PLA2G4E: variants seen among roughly 807,000 people sequenced by gnomAD.
PLA2G4E encodes the protein phospholipase A2 group IVE.
PLA2G4E carries 84 observed loss-of-function variants against 109.1 expected under a neutral mutation model. The observed-to-expected ratio is 0.77, with a 90% CI of 0.65 to 0.92. PLA2G4E has a LOEUF of 0.92. PLA2G4E is among the 40% of genes least tolerant of loss of function. The pLI is 0.00. For synonymous variants in PLA2G4E, 469 were observed against 436.1 expected (o/e 1.08, Z -0.94); for missense variants, 1,057 against 1,076.6 (o/e 0.98, Z 0.25).
intron 17 of PLA2G4E, chr15:41,986,886 T>G (rs1259324784): frequency 4.5e-6 from 2 of 446,688 alleles, no homozygotes; most frequent in Middle Eastern, 6.2e-4. Context: ...TTTCCCCATC[T>G]GTAACATGGG....
At chr15:41,995,298 C>G in intron 12 of PLA2G4E, 62 bp downstream of exon 12, 1 of 1,582,414 alleles carries the variant, frequency 6.3e-7, no homozygotes, top group East Asian at 2.3e-5. Context: ...CACCTGAGAC[C>G]CCAGGCCAGC....
intron 1 of PLA2G4E, among the ~76,000 whole-genome samples, chr15:42,037,750 C>T (rs1014808064): frequency 1.3e-5 from 2 of 152,218 alleles, no homozygotes; most frequent in Non-Finnish European, 2.9e-5. Context: ...CTTCGGGGCC[C>T]TGTGGTTCCC....
chr15:41,992,623 C>G (rs897011887), intron 13 of PLA2G4E, 114 bp downstream of exon 13: 9 of 1,005,008 alleles, frequency 9.0e-6, no homozygotes, highest in Admixed American at 5.4e-5. Flanking sequence ...AGGATACTCC[C>G]GCAGGTCTAA....
rs7176458 is a variant in PLA2G4E at position 42,016,352 on chromosome 15, T to G, written c.184-2595A>C. ...TCCTGGGGCTTAATTCTTTTTTCTT[T>G]GGAGACGGAGCCTCACTCTGTCATA... On this transcript the variant is annotated intron_variant, in intron 1 of 19. Coordinates refer to ENST00000399518, the Ensembl canonical transcript of PLA2G4E. Among the ~76,000 whole-genome samples, 26 of 151,602 alleles carry G rather than the reference T, an allele frequency of 1.7e-4. No homozygotes were observed. The East Asian group carries it at 4.5e-3, about 26-fold the overall frequency.
chr15:42,018,938 A>G (rs977574102), intron 1 of PLA2G4E, among the ~76,000 whole-genome samples: 1 of 151,570 alleles, frequency 6.6e-6, no homozygotes, highest in African/African-American at 2.4e-5. Context: ...AAAATGTATG[A>G]CTCTGCTCTG....
At chr15:42,010,134 C>CCCT (rs1555386997) in intron 2 of PLA2G4E, 1 of 464,264 alleles carries the variant, frequency 2.2e-6, no homozygotes, top group Non-Finnish European at 4.3e-6. Context: ...GAACACTGGC[C>CCCT]CCCCCACCCC....
At chr15:42,003,906 C>T (rs1344883716) in intron 5 of PLA2G4E, among the ~76,000 whole-genome samples, 3 of 150,940 alleles carry the variant, frequency 2.0e-5, no homozygotes, top group South Asian at 2.1e-4. Flanking sequence ...CCTTGCTTTC[C>T]TTCCTTCCTT....
At chr15:41,989,428 G>C (rs1319492893) in exon 15 of PLA2G4E, 1 of 1,614,026 alleles carries the variant, frequency 6.2e-7, no homozygotes, top group Admixed American at 1.7e-5. Flanking sequence ...GCATGTAGCA[G>C]ATTCGAGACT....
Position 42,006,025 on chromosome 15 carries a change from T to G in PLA2G4E, c.490A>C (p.Lys164Gln). 6.2e-7 allele frequency: 1 copy of G among 1,613,956 alleles called. No homozygotes were observed. The highest frequency in any genetic ancestry group is 8.5e-7 in the Non-Finnish European group (1 of 1,179,846). ...AGTGGAAACTTCACGTGGGTTTTCT[T>G]TCGGAAACAGAGCTTGGTGAGGTCA... Residue 164 changes from lysine to glutamine, a missense_variant, in exon 4 of 20, where the codon AAG becomes CAG. By Grantham distance (53) the Lys-to-Gln change is moderately conservative. Coordinates refer to ENST00000399518, the Ensembl canonical transcript of PLA2G4E.
intron 10 of PLA2G4E, 151 bp from the exon 11 acceptor site, chr15:41,997,410 T>G (rs953531990): frequency 2.4e-6 from 2 of 849,272 alleles, no homozygotes; most frequent in Non-Finnish European, 1.7e-6. Flanking sequence ...ATCTGTAAAG[T>G]GGGGCGAATC....
At chr15:42,023,831 G>T (rs1224059604) in intron 1 of PLA2G4E, among the ~76,000 whole-genome samples, 1 of 152,184 alleles carries the variant, frequency 6.6e-6, no homozygotes, top group East Asian at 1.9e-4. Flanking sequence ...TCAGAGCAGG[G>T]TCTCAACTCA....
chr15:42,033,656 G>C (rs1289441031), intron 1 of PLA2G4E, among the ~76,000 whole-genome samples: 1 of 152,176 alleles, frequency 6.6e-6, no homozygotes, highest in East Asian at 1.9e-4. Context: ...CAGCACCTGG[G>C]TGAGGCTGAA....
intron 12 of PLA2G4E, 94 bp from the exon 13 acceptor site, chr15:41,993,053 G>A: frequency 8.6e-7 from 1 of 1,160,374 alleles, no homozygotes; most frequent in Non-Finnish European, 1.2e-6. Context: ...AGGCCATTGA[G>A]AACCCTAACC....
At chr15:42,028,885 G>A (rs927201823) in intron 1 of PLA2G4E, among the ~76,000 whole-genome samples, 2 of 152,040 alleles carry the variant, frequency 1.3e-5, no homozygotes, top group Admixed American at 6.6e-5. Context: ...TTAATATGTT[G>A]AGATGTCCCA....
intron 9 of PLA2G4E, 34 bp from the exon 10 acceptor site, chr15:41,999,595 T>C: frequency 6.2e-7 from 1 of 1,607,044 alleles, no homozygotes; most frequent in Non-Finnish European, 8.5e-7. Context: ...TTGTCAGAGG[T>C]GACAATTCAG....
At chr15:42,026,344 T>G (rs994678460) in intron 1 of PLA2G4E, among the ~76,000 whole-genome samples, 1 of 152,162 alleles carries the variant, frequency 6.6e-6, no homozygotes, top group Non-Finnish European at 1.5e-5. Context: ...ATGGGTGACA[T>G]GGCAAAAGTG....
chr15:42,035,464 C>T (rs933977383), intron 1 of PLA2G4E, among the ~76,000 whole-genome samples: 1 of 152,054 alleles, frequency 6.6e-6, no homozygotes. Context: ...CCCTCGTTCT[C>T]CTGCTGGGAA....
intron 1 of PLA2G4E, among the ~76,000 whole-genome samples, chr15:42,041,347 A>C (rs538657566): frequency 1.3e-5 from 2 of 152,330 alleles, no homozygotes; most frequent in South Asian, 4.1e-4. Flanking sequence ...ATGAATGGAA[A>C]TAGCAGTGCC....
intron 1 of PLA2G4E, among the ~76,000 whole-genome samples, chr15:42,045,466 G>A (rs188713509): frequency 6.0e-4 from 92 of 152,326 alleles, no homozygotes; most frequent in African/African-American, 2.1e-3. Flanking sequence ...AGGCAGCACC[G>A]GCACTCCACG....
Sources: allele counts gnomAD v4.1 joint callset (sites outside exome capture counted in the v4.1 genomes callset), GRCh38; gene constraint gnomAD v4.1.1; transcripts MANE v1.5; gene names NCBI Gene and HGNC (gene_info 2026-07-23, HGNC 2026-07-21).